SLC22A2: variants seen among roughly 807,000 people sequenced by gnomAD.
The protein encoded by SLC22A2 is solute carrier family 22 member 2.
In SLC22A2, 46 loss-of-function variants were observed where a neutral mutation model predicts 60.5. That is an observed-to-expected ratio of 0.76 (90% CI 0.60 to 0.97). The LOEUF is 0.97. SLC22A2 is among the 50% of genes least tolerant of loss of function. The pLI is 0.00. For missense variants in SLC22A2, 701 were observed against 706.6 expected (o/e 0.99, Z 0.09); for synonymous variants, 303 against 267.0 (o/e 1.13, Z -1.31).
intron 10 of SLC22A2, among the ~76,000 whole-genome samples, chr6:160,218,888 GCAA>G (rs1250986197): frequency 0.019 from 27 of 1,398 alleles, no homozygotes; most frequent in African/African-American, 0.033. Flanking sequence ...ATCAGCAGTA[GCAA>G]CAACAGAAGT....
At chr6:160,245,860 G>A (rs1285946983) in intron 5 of SLC22A2, among the ~76,000 whole-genome samples, 1 of 139,702 alleles carries the variant, frequency 7.2e-6, no homozygotes, top group African/African-American at 2.8e-5. Flanking sequence ...ACAATGCCCA[G>A]CTTTTTTTTT....
chr6:160,228,265 C>A (rs535257644), intron 9 of SLC22A2, among the ~76,000 whole-genome samples: 2 of 152,172 alleles, frequency 1.3e-5, no homozygotes, highest in Non-Finnish European at 2.9e-5. Context: ...CCTCCGCCAG[C>A]GCAAAGGAAA....
At chr6:160,218,236 C>G in intron 10 of SLC22A2, 1 of 244,860 alleles carries the variant, frequency 4.1e-6, no homozygotes, top group East Asian at 1.2e-4. Context: ...CTCTAAAGCT[C>G]CAGATGGGGA....
intron 10 of SLC22A2, among the ~76,000 whole-genome samples, chr6:160,221,489 C>T (rs1782643664): frequency 6.6e-6 from 1 of 152,180 alleles, no homozygotes; most frequent in Admixed American, 6.5e-5. Flanking sequence ...TTTTCCTGTG[C>T]ATTCTCGACT....
intron 1 of SLC22A2, 92 bp from the exon 2 acceptor site, chr6:160,256,809 A>C: frequency 7.3e-6 from 6 of 826,696 alleles, no homozygotes; most frequent in East Asian, 2.4e-5. Flanking sequence ...TAGGGTACTC[A>C]TTAAATATTC....
chr6:160,234,079 C>T (rs1782871175), intron 9 of SLC22A2, among the ~76,000 whole-genome samples: 1 of 152,156 alleles, frequency 6.6e-6, no homozygotes, highest in African/African-American at 2.4e-5. Flanking sequence ...ATTCCTTCTC[C>T]TGGCTCATCC....
intron 9 of SLC22A2, among the ~76,000 whole-genome samples, chr6:160,231,939 C>A (rs1028058856): frequency 3.3e-5 from 5 of 151,970 alleles, no homozygotes; most frequent in African/African-American, 1.2e-4. Context: ...GCCCTTTTAT[C>A]CAAACAACTT....
chr6:160,258,495 T>A lies in SLC22A2; in HGVS notation c.263A>T (p.Gln88Leu). The change falls in exon 1 of 11, where the codon CAG (glutamine) becomes CTG (leucine). Residue 88 changes from glutamine to leucine, a missense_variant. By Grantham distance (113) the Gln-to-Leu change is moderately radical. Coordinates refer to ENST00000366953, the MANE Select transcript of SLC22A2 (RefSeq NM_003058.4). ...CCAGTCCACCTCGTAGCGCCTACACTGTCTTGGGGAGGCTTCGCCCGCAGG... is the reference window on the plus strand; with the variant it reads ...CCAGTCCACCTCGTAGCGCCTACACAGTCTTGGGGAGGCTTCGCCCGCAGG... ...PGPAGEASPR[Q>L]CRRYEVDWNQ... 1 of 1,614,122 alleles carries A rather than the reference T, an allele frequency of 6.2e-7. No homozygotes were observed.
intron 6 of SLC22A2, chr6:160,244,512 C>T (rs555576573): frequency 6.6e-6 from 1 of 152,246 alleles, no homozygotes; most frequent in Non-Finnish European, 1.5e-5. Context: ...AACCAGAAGA[C>T]CAAGTGAGTA....
At position 160,258,368 on chromosome 6, in the gene SLC22A2, C is replaced by T. The variant is rs624249; in HGVS notation, c.390G>A (p.Thr130=). The change falls in exon 1 of 11, where the codon ACG becomes ACA. Residue 130 remains threonine, a synonymous_variant. Transcript: ENST00000366953. ...CCTCGGTGACGATGGACGAGCCAGGCGTCTCGTACACCCAGCCGTCCCGGC... is the reference window on the plus strand; with the variant it reads ...CCTCGGTGACGATGGACGAGCCAGGTGTCTCGTACACCCAGCCGTCCCGGC... ...GPCRDGWVYE[T]PGSSIVTEFN... The T allele has an allele frequency of 3.1e-6, 5 of 1,611,710 alleles. No homozygotes were observed. The highest frequency in any genetic ancestry group is 2.7e-5 in the African/African-American group (2 of 74,958).
intron 9 of SLC22A2, among the ~76,000 whole-genome samples, chr6:160,240,124 CA>C (rs1782974264): frequency 1.3e-5 from 2 of 152,058 alleles, no homozygotes; most frequent in Admixed American, 6.6e-5. Flanking sequence ...GCCACAGACA[CA>C]TCTGTGGCTG....
intron 10 of SLC22A2, among the ~76,000 whole-genome samples, chr6:160,222,154 A>T (rs967514282): frequency 2.0e-5 from 3 of 152,220 alleles, no homozygotes; most frequent in Non-Finnish European, 4.4e-5. Flanking sequence ...AAGAAGTGAG[A>T]TAAGGTATTA....
In SLC22A2 at chr6:160,249,330, AC is replaced by A; in HGVS notation, c.727del (p.Val243LeufsTer10). On this transcript the variant is annotated frameshift_variant, in exon 4 of 11. Transcript: ENST00000366953. LOFTEE classifies it high-confidence loss of function. ...CACCAGGAGCCCAACTGTATAGGCA[AC>A]TTGGTAAAAAATCCCCACTGTTCTC... ...YRRTVGIFYQ[V>X]AYTVGLLVLA... The A allele has an allele frequency of 1.2e-6, 2 of 1,613,606 alleles. No homozygotes were observed. Among genetic ancestry groups the A allele is most frequent in the Non-Finnish European group, 1.7e-6 (2 of 1,179,760 alleles).
chr6:160,238,096 A>G (rs1324109442), intron 9 of SLC22A2, among the ~76,000 whole-genome samples: 2 of 152,204 alleles, frequency 1.3e-5, no homozygotes, highest in Admixed American at 6.5e-5. Flanking sequence ...GCCATTCTTT[A>G]TTTGTTTACT....
intron 8 of SLC22A2, among the ~76,000 whole-genome samples, chr6:160,241,896 C>T (rs921647510): frequency 6.9e-6 from 1 of 145,440 alleles, no homozygotes; most frequent in African/African-American, 2.6e-5. Flanking sequence ...TATATATATA[C>T]ATAATTCCAT....
At chr6:160,227,642 A>T (rs1327590948) in intron 9 of SLC22A2, among the ~76,000 whole-genome samples, 1 of 152,206 alleles carries the variant, frequency 6.6e-6, no homozygotes, top group Non-Finnish European at 1.5e-5. Context: ...ATTTTACAGA[A>T]TTTAGCTTTT....
In SLC22A2 at chr6:160,235,266, T is replaced by G. The variant is rs1390299914; in HGVS notation, c.1501+6208A>C. ...TATACATTATGAGAGAGCTTTGATGTGTGACTAGGTAGGAAATATAGTTTC... is the reference window on the plus strand; with the variant it reads ...TATACATTATGAGAGAGCTTTGATGGGTGACTAGGTAGGAAATATAGTTTC... On this transcript the variant is annotated intron_variant, in intron 9 of 10. Coordinates refer to ENST00000366953, the MANE Select transcript of SLC22A2 (RefSeq NM_003058.4). Among the ~76,000 whole-genome samples the G allele has an allele frequency of 3.3e-5, 5 of 152,046 alleles. No individual in the cohort carries two copies. The East Asian group carries it at 5.9e-4, about 18-fold the overall frequency.
In SLC22A2 at chr6:160,258,808, C is replaced by G; in HGVS notation, c.-51G>C. 6.7e-7 allele frequency: 1 copy of G among 1,488,362 alleles called. No homozygotes were observed. The highest frequency in any genetic ancestry group is 1.4e-5 in the South Asian group (1 of 72,802). 92.2% of individuals were successfully genotyped at this position (1,488,362 alleles called of 1,614,324 possible). A position where few individuals can be genotyped will look rare whatever the true frequency, so the allele number is the denominator to read the frequency against. ...GCTGCCCGACGTGCCCGGAGCGAGGCTGAGAGCGGCTGCAGCCAGCTCAGC... is the reference window on the plus strand; with the variant it reads ...GCTGCCCGACGTGCCCGGAGCGAGGGTGAGAGCGGCTGCAGCCAGCTCAGC... On this transcript the variant is annotated 5_prime_UTR_variant, in exon 1 of 11. Coordinates refer to ENST00000366953, the MANE Select transcript of SLC22A2 (RefSeq NM_003058.4).
chr6:160,241,803 TAAAAA>T (rs61332676), intron 8 of SLC22A2, among the ~76,000 whole-genome samples: 1 of 149,276 alleles, frequency 6.7e-6, no homozygotes, highest in African/African-American at 2.5e-5. Context: ...CCTATTGAAA[TAAAAA>T]AAAAACACCA....
Sources: allele counts gnomAD v4.1 joint callset (sites outside exome capture counted in the v4.1 genomes callset), GRCh38; gene constraint gnomAD v4.1.1; transcripts MANE v1.5; gene names NCBI Gene and HGNC (gene_info 2026-07-23, HGNC 2026-07-21).